Variants in CASZ1 observed in about 807,000 individuals in gnomAD.
The protein encoded by CASZ1 is zinc finger protein castor homolog 1.
In CASZ1, 28 loss-of-function variants were observed where a neutral mutation model predicts 135.2. That is an observed-to-expected ratio of 0.21 (90% CI 0.15 to 0.28). The LOEUF (loss-of-function observed/expected upper bound fraction) is 0.28, where lower values mean the gene tolerates loss of function less well. Among genes scored for constraint, CASZ1 ranks in the 10% least tolerant of loss-of-function variants. The probability of loss-of-function intolerance (pLI) is 1.00; values close to 1 mark genes in which losing one functional copy is unlikely to be tolerated. For missense variants in CASZ1, 2,161 were observed against 2,453.3 expected (o/e 0.88, Z 2.52); for synonymous variants, 1,068 against 1,073.4 (o/e 0.99, Z 0.10).
chr1:10,671,257 T>TTACCACCCA (rs1471496720), intron 4 of CASZ1, among the ~76,000 whole-genome samples: 1 of 151,448 alleles, frequency 6.6e-6, no homozygotes, highest in African/African-American at 2.4e-5. Flanking sequence ...AAAAAGAGAG[T>TTACCACCCA]TACCACCCAG....
intron 2 of CASZ1, among the ~76,000 whole-genome samples, chr1:10,736,609 C>G (rs1639802625): frequency 6.6e-6 from 1 of 152,252 alleles, no homozygotes; most frequent in Non-Finnish European, 1.5e-5. Context: ...CCCCAAAACA[C>G]ACAGGGCAGA....
At chr1:10,664,901 T>G (rs904770050) in intron 5 of CASZ1, among the ~76,000 whole-genome samples, 182 bp downstream of exon 5, 1 of 148,056 alleles carries the variant, frequency 6.8e-6, no homozygotes, top group African/African-American at 2.5e-5. Flanking sequence ...CCTTCCCTTC[T>G]CACCTGGGGT....
intron 6 of CASZ1, 81 bp downstream of exon 6, chr1:10,659,621 C>A: frequency 1.7e-6 from 2 of 1,155,202 alleles, no homozygotes; most frequent in South Asian, 1.3e-5. Flanking sequence ...TCCTCAAGCA[C>A]GGGCAACCCT....
chr1:10,645,312 C>A (rs905423245), intron 17 of CASZ1, among the ~76,000 whole-genome samples: 1 of 152,194 alleles, frequency 6.6e-6, no homozygotes, highest in African/African-American at 2.4e-5. Context: ...GGGCGGATCA[C>A]GAGATCAGGA....
At chr1:10,705,866 G>A (rs890377963) in intron 2 of CASZ1, among the ~76,000 whole-genome samples, 3 of 152,278 alleles carry the variant, frequency 2.0e-5, no homozygotes, top group Admixed American at 6.5e-5. Flanking sequence ...CCGTGGAGGA[G>A]GCCGGGAGTG....
chr1:10,675,147 C>A (rs550100350), intron 4 of CASZ1, among the ~76,000 whole-genome samples: 2 of 152,226 alleles, frequency 1.3e-5, no homozygotes, highest in Non-Finnish European at 2.9e-5. Context: ...CACGGCAGGT[C>A]CCCCCTCCTG....
Position 10,735,895 on chromosome 1 carries a change from G to T in CASZ1, c.-77+24806C>A, listed in dbSNP as rs773636446. Among the ~76,000 whole-genome samples the T allele has an allele frequency of 1.3e-5, 2 of 152,140 alleles. No homozygotes were observed. Among genetic ancestry groups the T allele is most frequent in the African/African-American group, 4.8e-5 (2 of 41,424 alleles). Reference sequence around the variant, plus strand: ...CCCAGGCACATCAGGTTGAAAATGTGCTTTTTCAGCCAGCTCTGGTCAAGT... The same window carrying T: ...CCCAGGCACATCAGGTTGAAAATGTTCTTTTTCAGCCAGCTCTGGTCAAGT... On this transcript the variant is annotated intron_variant, in intron 2 of 20. Coordinates refer to ENST00000377022, the MANE Select transcript of CASZ1 (RefSeq NM_001079843.3). The surrounding 1 kb of genome is among the most constrained non-coding windows in gnomAD (Gnocchi z 5.1).
intron 17 of CASZ1, among the ~76,000 whole-genome samples, chr1:10,645,880 G>A (rs1642350443): frequency 6.6e-6 from 1 of 152,166 alleles, no homozygotes; most frequent in Non-Finnish European, 1.5e-5. Context: ...GGGCACGGTG[G>A]CTGCCCAGCA....
chr1:10,766,139 A>G lies in CASZ1; in HGVS notation c.-233-5282T>C, dbSNP rs533115235. ...CAGGGGCCACTGATGATCTATCTGC[A>G]GGAACCAAATACCGTGCGGAGGGTC... On this transcript the variant is annotated intron_variant, in intron 1 of 20. Transcript: ENST00000377022. Among the ~76,000 whole-genome samples the G allele has an allele frequency of 2.6e-3, 396 of 152,230 alleles. 3 individuals are homozygous for G. The highest frequency in any genetic ancestry group is 9.3e-3 in the African/African-American group (385 of 41,540).
chr1:10,667,486 C>T (rs538322485), intron 4 of CASZ1, among the ~76,000 whole-genome samples: 5 of 152,288 alleles, frequency 3.3e-5, no homozygotes, highest in Admixed American at 2.0e-4. Context: ...AAGCACGATG[C>T]GGGGCCCCTC....
chr1:10,673,446 T>C (rs1049024905), intron 4 of CASZ1, among the ~76,000 whole-genome samples: 2 of 152,058 alleles, frequency 1.3e-5, no homozygotes, highest in Non-Finnish European at 2.9e-5. Flanking sequence ...GTTGTGTGTG[T>C]GCACACACGC....
rs940490256 is a variant in CASZ1, at chr1:10,747,371, A to T, written c.-77+13330T>A. Among the ~76,000 whole-genome samples, 5 of 152,216 alleles carry T rather than the reference A, an allele frequency of 3.3e-5. No homozygotes were observed. Among genetic ancestry groups the T allele is most frequent in the African/African-American group, 1.2e-4 (5 of 41,456 alleles). ...GGGCAGGGATTCTTACCAAGTGCTA[A>T]GTCTAGCACCTGCCAAACCGTGGCG... On this transcript the variant is annotated intron_variant, in intron 2 of 20. Transcript: ENST00000377022. This position sits in a 1 kb window ranked among gnomAD's most constrained non-coding sequence, Gnocchi z 4.3.
At position 10,665,419 on chromosome 1, in the gene CASZ1, T is replaced by C. The variant is rs1431283139; in HGVS notation, c.169A>G (p.Ser57Gly). ...TCTTGGTCCCGGGGCTGCGATGGGC[T>C]GCCCTCCGTGTGGGAGCCGGCGTCA... is the stretch of plus-strand genomic sequence containing the variant. ...RADAGSHTEGSPSQPRDQERS... is the reference protein window; with the variant it reads ...RADAGSHTEGGPSQPRDQERS... The change falls in exon 5 of 21, where the codon AGC (serine) becomes GGC (glycine). Residue 57 changes from serine to glycine, a missense_variant. Physicochemically the swap from Ser to Gly is moderately conservative, Grantham distance 56 (BLOSUM62 0). This residue lies in a region of CASZ1 where 590 missense variants were observed against 609.8 expected (regional missense o/e 0.97). Coordinates refer to ENST00000377022, the MANE Select transcript of CASZ1 (RefSeq NM_001079843.3). 1 of 1,612,568 alleles carries C rather than the reference T, an allele frequency of 6.2e-7. No individual in the cohort carries two copies. The highest frequency in any genetic ancestry group is 1.1e-5 in the South Asian group (1 of 91,044).
At chr1:10,752,663 C>A (rs1183568036) in intron 2 of CASZ1, among the ~76,000 whole-genome samples, 6 of 152,208 alleles carry the variant, frequency 3.9e-5, no homozygotes, top group African/African-American at 1.4e-4. Context: ...GGAGAGGGAG[C>A]CCCCCTAGTT....
intron 3 of CASZ1, among the ~76,000 whole-genome samples, chr1:10,703,784 A>T (rs965560539): frequency 6.6e-6 from 1 of 152,242 alleles, no homozygotes; most frequent in East Asian, 1.9e-4. Flanking sequence ...TTTGTGAGCC[A>T]AACAGTCTCC....
chr1:10,753,614 G>C (rs1348527963), intron 2 of CASZ1, among the ~76,000 whole-genome samples: 1 of 152,260 alleles, frequency 6.6e-6, no homozygotes, highest in Non-Finnish European at 1.5e-5. Flanking sequence ...GAGGCGGGTG[G>C]GGGTCTGCTT....
At chr1:10,713,246 G>T (rs2100462074) in intron 2 of CASZ1, among the ~76,000 whole-genome samples, 1 of 152,340 alleles carries the variant, frequency 6.6e-6, no homozygotes, top group East Asian at 1.9e-4. Flanking sequence ...CATCAAGACG[G>T]CAATCATGTG....
Position 10,785,240 on chromosome 1 carries a change from C to CT in CASZ1, c.-234+11323dup, listed in dbSNP as rs1640840075. On this transcript the variant is annotated intron_variant, in intron 1 of 20. Coordinates refer to ENST00000377022, the MANE Select transcript of CASZ1 (RefSeq NM_001079843.3). ...ATCCTTATCTTCCTTTCTTTCTTTC[C>CT]TTCCTTCTCATCTTTTTCCTTCCTT... is the stretch of plus-strand genomic sequence containing the variant. Among the ~76,000 whole-genome samples, 3 of 85,080 alleles carry CT rather than the reference C, an allele frequency of 3.5e-5. No homozygotes were observed. The South Asian group carries it at 1.0e-3, about 29-fold the overall frequency. 55.8% of individuals were successfully genotyped at this position (85,080 alleles called of 152,430 possible).
rs1291638648 is a variant in CASZ1, at chr1:10,768,830, C to T, written c.-233-7973G>A. 3.9e-5 allele frequency among the ~76,000 whole-genome samples: 6 copies of T among 152,344 alleles called. No individual in the cohort carries two copies. The South Asian group carries it at 1.2e-3, about 32-fold the overall frequency. On this transcript the variant is annotated intron_variant, in intron 1 of 20. Transcript: ENST00000377022. ...ACCAATCAGAGCCCAGAGGATGCAC[C>T]AACCTCCCAGGAATGACAACTCAAG...
Sources: allele counts gnomAD v4.1 joint callset (sites outside exome capture counted in the v4.1 genomes callset), GRCh38; gene constraint gnomAD v4.1.1; regional missense constraint gnomAD v4.1.1; non-coding constraint Gnocchi (gnomAD v3.1); transcripts MANE v1.5; gene names NCBI Gene and HGNC (gene_info 2026-07-23, HGNC 2026-07-21).